The following LARS1 variants were observed in gnomAD, a reference collection of about 807,000 sequenced individuals.
LARS1 encodes the protein leucyl-tRNA synthetase 1.
A neutral mutation model predicts 162.8 loss-of-function variants in LARS1; 100 were observed. The observed-to-expected ratio is 0.61, with a 90% CI of 0.52 to 0.73. The LOEUF (loss-of-function observed/expected upper bound fraction) is 0.73, where lower values mean the gene tolerates loss of function less well. LARS1 is among the 30% of genes least tolerant of loss of function. LARS1 has a pLI of 0.00. For synonymous variants in LARS1, 457 were observed against 462.8 expected (o/e 0.99, Z 0.16); for missense variants, 1,258 against 1,408.9 (o/e 0.89, Z 1.71).
intron 21 of LARS1, among the ~76,000 whole-genome samples, chr5:146,136,288 G>A (rs993607559): frequency 2.6e-5 from 4 of 152,008 alleles, no homozygotes; most frequent in African/African-American, 9.7e-5. Flanking sequence ...AATAAAATCA[G>A]GATAGTACAA....
At chr5:146,129,885 G>T in intron 25 of LARS1, 133 bp downstream of exon 25, 1 of 871,870 alleles carries the variant, frequency 1.1e-6, no homozygotes, top group Non-Finnish European at 1.7e-6. Flanking sequence ...TCATAATTAT[G>T]ATGCTGAATC....
At chr5:146,180,072 G>T (rs1754765207) in intron 1 of LARS1, among the ~76,000 whole-genome samples, 1 of 152,200 alleles carries the variant, frequency 6.6e-6, no homozygotes, top group South Asian at 2.1e-4. Flanking sequence ...CACAGACACA[G>T]AAGTTATGTA....
chr5:146,130,875 T>C (rs547971312), intron 24 of LARS1, 144 bp downstream of exon 24: 1 of 477,456 alleles, frequency 2.1e-6, no homozygotes, highest in East Asian at 3.3e-5. Context: ...TCACAATTTA[T>C]TGAAGAATTT....
intron 5 of LARS1, among the ~76,000 whole-genome samples, chr5:146,167,638 C>T (rs1754071100): frequency 6.6e-6 from 1 of 151,778 alleles, no homozygotes; most frequent in Admixed American, 6.6e-5. Context: ...TCGTGATCCG[C>T]CCGCCTTGGC....
intron 2 of LARS1, among the ~76,000 whole-genome samples, chr5:146,175,823 G>C (rs867581483): frequency 2.7e-5 from 4 of 148,720 alleles, no homozygotes; most frequent in Non-Finnish European, 5.9e-5. Flanking sequence ...GCAAGACTCC[G>C]TCTCAAAAAA....
chr5:146,134,055 G>C lies in LARS1; in HGVS notation c.2213-974C>G, dbSNP rs975931185. ...GACAGGGTTTCTCCATGTTGGTCAG[G>C]CTGGTCTGAAACTCCCGATCTCAGG... is the stretch of plus-strand genomic sequence containing the variant. On this transcript the variant is annotated intron_variant, in intron 22 of 31. Transcript: ENST00000394434. Among the ~76,000 whole-genome samples the C allele has an allele frequency of 3.0e-4, 45 of 152,116 alleles. 1 individual carries two copies. The highest frequency in any genetic ancestry group is 5.9e-5 in the Non-Finnish European group (4 of 68,024).
Position 146,136,531 on chromosome 5 carries a change from A to T in LARS1, c.2149-867T>A, listed in dbSNP as rs527986416. On this transcript the variant is annotated intron_variant, in intron 21 of 31. Coordinates refer to ENST00000394434, the MANE Select transcript of LARS1 (RefSeq NM_020117.11). ...AGTCTTGCTCTGTTACCCAGGCTGG[A>T]GTGCAGTGGCGCAATCTTGGCTCAG... Among the ~76,000 whole-genome samples, 212 of 148,862 alleles carry T rather than the reference A, an allele frequency of 1.4e-3. 2 individuals carry two copies. The highest frequency in any genetic ancestry group is 5.0e-3 in the African/African-American group (201 of 40,124).
In LARS1 at chr5:146,126,460, A is replaced by G. The variant is rs753102886; in HGVS notation, c.2966T>C (p.Val989Ala). ...CTTAATCATGGCAACAAATGGCATG[A>G]CTTTCTTCATGTATTTCTTCAGTTC... is the stretch of plus-strand genomic sequence containing the variant. ...MPELKKYMKK[V>A]MPFVAMIKEN... Residue 989 changes from valine (V) to alanine (A), a missense_variant, in exon 28 of 32, where the codon GTC becomes GCC. Transcript: ENST00000394434. The G allele has an allele frequency of 5.1e-5, 82 of 1,611,116 alleles. No homozygotes were observed. The highest frequency in any genetic ancestry group is 6.4e-5 in the Non-Finnish European group (75 of 1,177,870).
chr5:146,164,346 T>G lies in LARS1; in HGVS notation c.558A>C (p.Pro186=). ...TTCTTTTTAAATCCTGAATAGCCAG[T>G]GGCGGGAAATAATCAAGCCAATGTT... ...EAEHWLDYFP[P]LAIQDLKRMG... is the part of the protein sequence containing the mutation. Residue 186 remains proline, a synonymous_variant, in exon 6 of 32, where the codon CCA becomes CCC. Coordinates refer to ENST00000394434, the MANE Select transcript of LARS1 (RefSeq NM_020117.11). 1 of 1,614,142 alleles carries G rather than the reference T, an allele frequency of 6.2e-7. No individual in the cohort carries two copies. Among genetic ancestry groups the G allele is most frequent in the Non-Finnish European group, 8.5e-7 (1 of 1,179,994 alleles).
chr5:146,138,191 G>C (rs1752596969), intron 21 of LARS1: 1 of 176,150 alleles, frequency 5.7e-6, no homozygotes, highest in Non-Finnish European at 1.4e-5. Context: ...CAAGAGATGT[G>C]CTTATGTATA....
chr5:146,114,084 T>C lies in LARS1; in HGVS notation c.*22A>G. ...TAGTAGTATTCCTAAGAAACCAGGATAAATCTCCAATGTGCATGAGTTTAA... is the reference window on the plus strand; with the variant it reads ...TAGTAGTATTCCTAAGAAACCAGGACAAATCTCCAATGTGCATGAGTTTAA... On this transcript the variant is annotated 3_prime_UTR_variant, in exon 32 of 32. Transcript: ENST00000394434. 2 of 1,580,300 alleles carry C rather than the reference T, an allele frequency of 1.3e-6. No homozygotes were observed. The highest frequency in any genetic ancestry group is 1.7e-6 in the Non-Finnish European group (2 of 1,150,680).
intron 22 of LARS1, 148 bp downstream of exon 22, chr5:146,135,453 T>C (rs1030144210): frequency 3.3e-6 from 2 of 609,004 alleles, no homozygotes; most frequent in Admixed American, 7.1e-5. Flanking sequence ...TTAAATATTA[T>C]GTTGCTCATC....
At chr5:146,115,892 T>C (rs1456246766) in intron 31 of LARS1, among the ~76,000 whole-genome samples, 1 of 152,202 alleles carries the variant, frequency 6.6e-6, no homozygotes, top group African/African-American at 2.4e-5. Flanking sequence ...CCCTCCCTCA[T>C]GTTGACTTGA....
chr5:146,157,347 T>C lies in LARS1; in HGVS notation c.1065+56A>G. On this transcript the variant is annotated intron_variant, in intron 10 of 31. Transcript: ENST00000394434. ...AATGCTCTTTTCTCAATATTCATTG[T>C]TGAAATTTTCCTTGAAATTTACGCA... is the stretch of plus-strand genomic sequence containing the variant. 4 of 1,444,480 alleles carry C rather than the reference T, an allele frequency of 2.8e-6. No individual in the cohort carries two copies. In the South Asian group the frequency reaches 3.5e-5, roughly 12 times the overall value. 89.5% of individuals were successfully genotyped at this position (1,444,480 alleles called of 1,614,324 possible). A position where few individuals can be genotyped will look rare whatever the true frequency, so the allele number is the denominator to read the frequency against.
At chr5:146,132,670 G>GC in intron 23 of LARS1, 1 of 360,886 alleles carries the variant, frequency 2.8e-6, no homozygotes, top group East Asian at 4.4e-5. Context: ...ATAAAATAGA[G>GC]CTAATAATAT....
intron 28 of LARS1, among the ~76,000 whole-genome samples, chr5:146,125,770 T>C (rs766225096): frequency 1.2e-4 from 18 of 151,956 alleles, no homozygotes; most frequent in Non-Finnish European, 2.1e-4. Flanking sequence ...TGTCAAGAAA[T>C]CCAGTAATAC....
rs2033466352 is a variant in LARS1, at chr5:146,182,610, C to T, written c.-117G>A. On this transcript the variant is annotated 5_prime_UTR_variant, in exon 1 of 32. In the 5' UTR this introduces an upstream ATG that the reference lacks. Transcript: ENST00000394434. ...CCAGGCCTCCCACGAAACTAAAGCA[C>T]ACGCTTCACACCTGCTGAGGCAATC... The T allele has an allele frequency of 3.8e-6, 5 of 1,322,456 alleles. No homozygotes were observed. Among genetic ancestry groups the T allele is most frequent in the Non-Finnish European group, 3.3e-6 (3 of 916,790 alleles). 81.9% of individuals were successfully genotyped at this position (1,322,456 alleles called of 1,614,324 possible). A position where few individuals can be genotyped will look rare whatever the true frequency, so the allele number is the denominator to read the frequency against.
chr5:146,137,719 G>A (rs1019401310), intron 21 of LARS1: 2 of 229,118 alleles, frequency 8.7e-6, no homozygotes, highest in Non-Finnish European at 1.7e-5. Flanking sequence ...TGGATCCTAT[G>A]GAGGCCTGCT....
At chr5:146,116,169 G>A (rs1215316298) in intron 31 of LARS1, among the ~76,000 whole-genome samples, 2 of 152,168 alleles carry the variant, frequency 1.3e-5, no homozygotes, top group African/African-American at 4.8e-5. Context: ...AATGGGAAGA[G>A]AGCAGGCGCA....
Sources: allele counts gnomAD v4.1 joint callset (sites outside exome capture counted in the v4.1 genomes callset), GRCh38; gene constraint gnomAD v4.1.1; transcripts MANE v1.5; gene names NCBI Gene and HGNC (gene_info 2026-07-23, HGNC 2026-07-21).